SYT7: variants seen among roughly 807,000 people sequenced by gnomAD.
SYT7 encodes the protein synaptotagmin 7.
Under a neutral mutation model 75.1 loss-of-function variants are expected in SYT7, and 29 were observed. That is an observed-to-expected ratio of 0.39 (90% CI 0.29 to 0.53). The LOEUF (loss-of-function observed/expected upper bound fraction) is 0.53. Ranked by LOEUF, SYT7 falls within the 20% of genes least tolerant of loss-of-function variation. The probability of loss-of-function intolerance (pLI) is 0.77; values close to 1 mark genes in which losing one functional copy is unlikely to be tolerated. For synonymous variants in SYT7, 376 were observed against 401.7 expected (o/e 0.94, Z 0.76); for missense variants, 693 against 953.2 (o/e 0.73, Z 3.59).
chr11:61,537,987 G>T (rs901648767), intron 7 of SYT7, among the ~76,000 whole-genome samples, 157 bp downstream of exon 7: 7 of 152,226 alleles, frequency 4.6e-5, no homozygotes, highest in African/African-American at 1.7e-4. Context: ...GTGGCAGTGC[G>T]TGAGGGCACC....
intron 1 of SYT7, among the ~76,000 whole-genome samples, chr11:61,571,986 C>T (rs1159730056): frequency 2.6e-5 from 4 of 152,220 alleles, no homozygotes; most frequent in African/African-American, 9.6e-5. Flanking sequence ...ATCCCCGGTC[C>T]CTGCTCTCTC....
intron 1 of SYT7, among the ~76,000 whole-genome samples, chr11:61,562,656 A>G (rs1224482903): frequency 2.0e-5 from 3 of 152,106 alleles, no homozygotes; most frequent in Non-Finnish European, 4.4e-5. Context: ...AATTTTGTGC[A>G]CCCCTGAACC....
At chr11:61,544,971 C>T (rs1316777295) in intron 5 of SYT7, among the ~76,000 whole-genome samples, 3 of 152,142 alleles carry the variant, frequency 2.0e-5, no homozygotes, top group African/African-American at 7.2e-5. Flanking sequence ...AACAGGATGG[C>T]CCAACAGCTA....
intron 1 of SYT7, among the ~76,000 whole-genome samples, chr11:61,566,221 C>T (rs1296966190): frequency 6.6e-6 from 1 of 152,206 alleles, no homozygotes; most frequent in Non-Finnish European, 1.5e-5. Flanking sequence ...GAGGGTTTCA[C>T]ATGCATTATT....
At position 61,542,434 on chromosome 11, in the gene SYT7, G is replaced by A. The variant is rs2063071234; in HGVS notation, c.718C>T (p.Pro240Ser). ...CTCTGGCTGGTGGTGGGCTGGCTGG[G>A]CTGCCGGCCCCGCTGGTGCTGGCTC... is the stretch of plus-strand genomic sequence containing the variant. Reference protein sequence around the residue: ...PLSQHQRGRQPSQPTTSQSLG... With the variant: ...PLSQHQRGRQSSQPTTSQSLG... Residue 240 changes from proline to serine, a missense_variant, in exon 6 of 13, where the codon CCC becomes TCC. Coordinates refer to ENST00000539008, the MANE Select transcript of SYT7 (RefSeq NM_001365809.2). This position sits in a 1 kb window ranked among gnomAD's most constrained non-coding sequence, Gnocchi z 7.8. The A allele has an allele frequency of 9.1e-6, 14 of 1,532,564 alleles. No homozygotes were observed. Among genetic ancestry groups the A allele is most frequent in the Non-Finnish European group, 1.2e-5 (14 of 1,145,840 alleles). The allele number at this position is 1,532,564 out of a possible 1,614,324, so 94.9% of individuals were successfully genotyped here.
chr11:61,537,406 G>C (rs1747438105), intron 7 of SYT7, among the ~76,000 whole-genome samples: 1 of 151,974 alleles, frequency 6.6e-6, no homozygotes, highest in Admixed American at 6.5e-5. Context: ...GGCTGTGGCA[G>C]TTTAAGTGAC....
chr11:61,519,732 G>A (rs1323751091), intron 12 of SYT7, among the ~76,000 whole-genome samples: 1 of 152,186 alleles, frequency 6.6e-6, no homozygotes, highest in Non-Finnish European at 1.5e-5. Flanking sequence ...AACTGGGGAG[G>A]CTGCGTAAGG....
intron 8 of SYT7, among the ~76,000 whole-genome samples, chr11:61,532,459 G>A (rs1321253978): frequency 6.6e-6 from 1 of 152,126 alleles, no homozygotes; most frequent in African/African-American, 2.4e-5. Flanking sequence ...CATCACAGCT[G>A]TCCCCTCAGA....
In SYT7 at chr11:61,551,394, T is replaced by G. The variant is rs200861140; in HGVS notation, c.205A>C (p.Lys69Gln). ...PDSGRGRSEK[K>Q]AINDLDRDFW... is the part of the protein sequence containing the mutation. ...CAGCCTGGCACCTACTTGATAGCCT[T>G]CTTCTCACTGCGCCCACGCCCTGAG... is the stretch of plus-strand genomic sequence containing the variant. The change falls in exon 3 of 13, where the codon AAG becomes CAG. Residue 69 changes from lysine (K) to glutamine (Q), a missense_variant. By Grantham distance (53) the Lys-to-Gln change is moderately conservative (BLOSUM62 1). Transcript: ENST00000539008. This position sits in a 1 kb window ranked among gnomAD's most constrained non-coding sequence, Gnocchi z 5.3. 3.1e-6 allele frequency: 5 copies of G among 1,613,836 alleles called. No homozygotes were observed. Among genetic ancestry groups the G allele is most frequent in the Non-Finnish European group, 4.2e-6 (5 of 1,179,930 alleles).
chr11:61,577,233 C>A lies in SYT7; in HGVS notation c.31+3557G>T, dbSNP rs377254024. Among the ~76,000 whole-genome samples, 14 of 152,380 alleles carry A rather than the reference C, an allele frequency of 9.2e-5. 1 individual carries two copies. The East Asian group carries it at 2.1e-3, about 23-fold the overall frequency. On this transcript the variant is annotated intron_variant, in intron 1 of 12. Transcript: ENST00000539008. Reference sequence around the variant, plus strand: ...TGCCCCATTGAAATCATCCTCACCCCCTCTGGGTTTTAGACTTGCCCAGCC... The same window carrying A: ...TGCCCCATTGAAATCATCCTCACCCACTCTGGGTTTTAGACTTGCCCAGCC...
At chr11:61,544,371 G>A (rs112625222) in intron 5 of SYT7, among the ~76,000 whole-genome samples, 2,476 of 152,312 alleles carry the variant, frequency 0.016, 67 homozygotes, top group African/African-American at 0.057. Context: ...AAAAGAGAGA[G>A]TGAAAGAGGG....
chr11:61,575,435 C>A (rs2064044159), intron 1 of SYT7, among the ~76,000 whole-genome samples: 1 of 152,182 alleles, frequency 6.6e-6, no homozygotes, highest in East Asian at 1.9e-4. Context: ...CAGACCTAGT[C>A]ACAAACACAC....
chr11:61,544,912 A>C (rs1317996549), intron 5 of SYT7, among the ~76,000 whole-genome samples: 1 of 152,226 alleles, frequency 6.6e-6, no homozygotes, highest in Non-Finnish European at 1.5e-5. Flanking sequence ...TCCCAATGGC[A>C]GGAACCACAG....
At chr11:61,584,951 C>T (rs113880835), upstream of SYT7, among the ~76,000 whole-genome samples, 4 of 152,342 alleles carry the variant, frequency 2.6e-5, no homozygotes, top group South Asian at 2.1e-4. Context: ...GGTTCCATGA[C>T]GTGGCAGGAA....
chr11:61,526,577 G>C (rs906588509), intron 9 of SYT7: 1 of 152,228 alleles, frequency 6.6e-6, no homozygotes, highest in African/African-American at 2.4e-5. Context: ...GGCCATAATG[G>C]TGCCTCATTC....
chr11:61,582,717 C>T (rs1813024454), upstream of SYT7, among the ~76,000 whole-genome samples: 1 of 152,194 alleles, frequency 6.6e-6, no homozygotes, highest in African/African-American at 2.4e-5. Context: ...GAAATCTCAG[C>T]CCTCACCCTC....
At chr11:61,577,810 C>T (rs1590965424) in intron 1 of SYT7, among the ~76,000 whole-genome samples, 3 of 152,306 alleles carry the variant, frequency 2.0e-5, no homozygotes, top group African/African-American at 2.4e-5. Flanking sequence ...CAGGACCTAA[C>T]CTCTGTCCCA....
intron 1 of SYT7, among the ~76,000 whole-genome samples, chr11:61,567,147 TAG>T (rs1480451747): frequency 1.3e-5 from 2 of 152,144 alleles, no homozygotes; most frequent in African/African-American, 2.4e-5. Context: ...GAGAAATGGA[TAG>T]AGAGACCACT....
intron 1 of SYT7, among the ~76,000 whole-genome samples, chr11:61,575,751 G>A (rs1292479006): frequency 6.6e-6 from 1 of 152,102 alleles, no homozygotes; most frequent in African/African-American, 2.4e-5. Flanking sequence ...ACCTCAACGC[G>A]CCTCGCTACA....
Sources: allele counts gnomAD v4.1 joint callset (sites outside exome capture counted in the v4.1 genomes callset), GRCh38; gene constraint gnomAD v4.1.1; non-coding constraint Gnocchi (gnomAD v3.1); transcripts MANE v1.5; gene names NCBI Gene and HGNC (gene_info 2026-07-23, HGNC 2026-07-21).